Variants in FGF12 observed in about 807,000 individuals in gnomAD.
FGF12 encodes the protein fibroblast growth factor 12.
FGF12 carries 14 observed loss-of-function variants against 23.6 expected under a neutral mutation model. The observed-to-expected ratio is 0.59, with a 90% CI of 0.39 to 0.93. The LOEUF (loss-of-function observed/expected upper bound fraction) is 0.93, where lower values mean the gene tolerates loss of function less well. Among genes scored for constraint, FGF12 ranks in the 40% least tolerant of loss-of-function variants. FGF12 has a pLI of 0.00. For missense variants in FGF12, 175 were observed against 217.8 expected (o/e 0.80, Z 1.24); for synonymous variants, 62 against 77.3 (o/e 0.80, Z 1.04).
chr3:192,168,480 C>T (rs932473447), intron 5 of FGF12, among the ~76,000 whole-genome samples: 2 of 152,136 alleles, frequency 1.3e-5, no homozygotes, highest in Middle Eastern at 6.3e-3. Context: ...TAAATATTAG[C>T]TTCTCAATGA....
intron 2 of FGF12, among the ~76,000 whole-genome samples, chr3:192,371,530 G>A (rs1242329568): frequency 1.3e-5 from 2 of 152,224 alleles, no homozygotes; most frequent in African/African-American, 4.8e-5. Flanking sequence ...TCTATGACTA[G>A]GAAGCCACGC....
intron 4 of FGF12, among the ~76,000 whole-genome samples, chr3:192,180,452 G>A (rs1343445372): frequency 2.0e-5 from 3 of 152,166 alleles, no homozygotes; most frequent in African/African-American, 7.2e-5. Flanking sequence ...TGCACAATAC[G>A]TAATCATGTG....
At chr3:192,253,508 C>T (rs1577284851) in intron 4 of FGF12, among the ~76,000 whole-genome samples, 1 of 151,884 alleles carries the variant, frequency 6.6e-6, no homozygotes, top group East Asian at 1.9e-4. Flanking sequence ...CTTTAGTTAA[C>T]AGTAAGAAAT....
chr3:192,454,205 A>AT (rs1722611308), intron 2 of FGF12, among the ~76,000 whole-genome samples: 1 of 151,976 alleles, frequency 6.6e-6, no homozygotes, highest in South Asian at 2.1e-4. Context: ...TGCCTGGTTA[A>AT]TTTTTTTGTA....
At chr3:192,354,514 G>T (rs1718378236) in intron 3 of FGF12, among the ~76,000 whole-genome samples, 1 of 151,504 alleles carries the variant, frequency 6.6e-6, no homozygotes, top group East Asian at 1.9e-4. Context: ...TCACAACAAA[G>T]AACTGATTTT....
chr3:192,625,037 G>C (rs1211098915), intron 2 of FGF12, among the ~76,000 whole-genome samples: 1 of 152,042 alleles, frequency 6.6e-6, no homozygotes, highest in Non-Finnish European at 1.5e-5. Flanking sequence ...GCTTTGTTAT[G>C]TTTCAAATAT....
chr3:192,422,176 A>G (rs910541817), intron 2 of FGF12, among the ~76,000 whole-genome samples: 1 of 152,166 alleles, frequency 6.6e-6, no homozygotes, highest in Non-Finnish European at 1.5e-5. Flanking sequence ...GAGAGTCAAC[A>G]GAGGAAATAC....
intron 2 of FGF12, among the ~76,000 whole-genome samples, chr3:192,504,907 G>A (rs1400533629): frequency 6.6e-6 from 1 of 152,106 alleles, no homozygotes; most frequent in African/African-American, 2.4e-5. Flanking sequence ...ATAGCCATCT[G>A]TTTGACAAGT....
At position 192,593,468 on chromosome 3, in the gene FGF12, T is replaced by C. The variant is rs566858576; in HGVS notation, c.13+133713A>G. 2.0e-4 allele frequency among the ~76,000 whole-genome samples: 30 copies of C among 152,018 alleles called. 1 individual carries two copies. Among genetic ancestry groups the C allele is most frequent in the South Asian group, 6.3e-4 (3 of 4,754 alleles). On this transcript the variant is annotated intron_variant, in intron 2 of 5. Transcript: ENST00000445105. ...GCTGATATATGCTCATTTCCACCCATTGGAACATAAACTCCATGAGAACAC... is the reference window on the plus strand; with the variant it reads ...GCTGATATATGCTCATTTCCACCCACTGGAACATAAACTCCATGAGAACAC...
chr3:192,308,185 G>T (rs1199097547), intron 4 of FGF12, among the ~76,000 whole-genome samples: 1 of 152,010 alleles, frequency 6.6e-6, no homozygotes, highest in African/African-American at 2.4e-5. Flanking sequence ...CGATATTCAC[G>T]TGAAAAACCA....
chr3:192,265,591 T>G (rs1353527760), intron 4 of FGF12, among the ~76,000 whole-genome samples: 1 of 152,168 alleles, frequency 6.6e-6, no homozygotes, highest in Non-Finnish European at 1.5e-5. Flanking sequence ...AGAAGAATAT[T>G]TGATGAAACC....
intron 4 of FGF12, among the ~76,000 whole-genome samples, chr3:192,288,668 A>T (rs1184552170): frequency 6.6e-6 from 1 of 152,122 alleles, no homozygotes; most frequent in Non-Finnish European, 1.5e-5. Context: ...AAATGTACTT[A>T]AGCAATGGAG....
chr3:192,306,765 A>G (rs1440961538), intron 4 of FGF12, among the ~76,000 whole-genome samples: 2 of 151,992 alleles, frequency 1.3e-5, no homozygotes, highest in Non-Finnish European at 2.9e-5. Context: ...AAATAACACC[A>G]CATTTCAGGA....
chr3:192,370,316 C>T (rs965777651), intron 2 of FGF12, among the ~76,000 whole-genome samples: 13 of 152,130 alleles, frequency 8.5e-5, no homozygotes, highest in Admixed American at 8.5e-4. Flanking sequence ...ATGTGCCACT[C>T]TGTAAATTTT....
At chr3:192,302,635 A>C (rs1715408760) in intron 4 of FGF12, among the ~76,000 whole-genome samples, 1 of 152,238 alleles carries the variant, frequency 6.6e-6, no homozygotes, top group Admixed American at 6.5e-5. Context: ...CAACGGGCTC[A>C]GAATGGAAAT....
At chr3:192,599,547 A>G (rs1714021330) in intron 2 of FGF12, among the ~76,000 whole-genome samples, 2 of 152,020 alleles carry the variant, frequency 1.3e-5, no homozygotes. Flanking sequence ...GACAACCAAT[A>G]TTGTTATTGC....
chr3:192,323,477 A>G (rs929128569), intron 4 of FGF12, among the ~76,000 whole-genome samples: 1 of 152,202 alleles, frequency 6.6e-6, no homozygotes, highest in South Asian at 2.1e-4. Flanking sequence ...GACAAGCATC[A>G]TATGTTCTTA....
intron 2 of FGF12, among the ~76,000 whole-genome samples, chr3:192,647,724 C>CAT (rs1716063907): frequency 4.2e-5 from 6 of 144,340 alleles, no homozygotes; most frequent in Middle Eastern, 3.8e-3. Flanking sequence ...TATATATATA[C>CAT]ACATATATAC....
At chr3:192,235,321 T>A (rs1719230457) in intron 4 of FGF12, among the ~76,000 whole-genome samples, 1 of 152,160 alleles carries the variant, frequency 6.6e-6, no homozygotes, top group South Asian at 2.1e-4. Flanking sequence ...TTCTGGTTGT[T>A]TTTTTGAGAC....
Sources: allele counts gnomAD v4.1 joint callset (sites outside exome capture counted in the v4.1 genomes callset), GRCh38; gene constraint gnomAD v4.1.1; transcripts MANE v1.5; gene names NCBI Gene and HGNC (gene_info 2026-07-23, HGNC 2026-07-21).